C12orf42: variants seen among roughly 807,000 people sequenced by gnomAD.
C12orf42 encodes chromosome 12 open reading frame 42, also known as uncharacterized protein C12orf42.
Under a neutral mutation model 21.6 loss-of-function variants are expected in C12orf42, and 25 were observed. That is an observed-to-expected ratio of 1.16 (90% confidence interval 0.84 to 1.62). The LOEUF (loss-of-function observed/expected upper bound fraction) is 1.62, where lower values mean the gene tolerates loss of function less well. Among genes scored for constraint, C12orf42 ranks in the 40% most tolerant of loss-of-function variants. The probability of loss-of-function intolerance (pLI) is 0.00; values close to 1 mark genes in which losing one functional copy is unlikely to be tolerated. For synonymous variants in C12orf42, 174 were observed against 175.0 expected (o/e 0.99, Z 0.05); for missense variants, 483 against 459.3 (o/e 1.05, Z -0.47).
chr12:103,389,993 T>A (rs1236809552), intron 3 of C12orf42, among the ~76,000 whole-genome samples: 5 of 152,226 alleles, frequency 3.3e-5, no homozygotes, highest in Admixed American at 3.3e-4. Flanking sequence ...TAATTTCACT[T>A]CTATTCTTGT....
chr12:103,074,666 A>C, the C12orf42 span, among the ~76,000 whole-genome samples: 1 of 152,216 alleles, frequency 6.6e-6, no homozygotes, highest in Non-Finnish European at 1.5e-5. Context: ...CCTGGAATGA[A>C]AGTAGATAAT....
intron 1 of C12orf42, chr12:103,495,641 G>C (rs188324076): frequency 1.3e-5 from 2 of 150,484 alleles, no homozygotes; most frequent in Admixed American, 6.6e-5. Context: ...GTCTCGGTCC[G>C]GGCCGAGGCG....
At position 103,494,631 on chromosome 12, in the gene C12orf42, C is replaced by A. The variant is rs1448803183; in HGVS notation, c.-22+1271G>T. Among the ~76,000 whole-genome samples the A allele has an allele frequency of 3.3e-5, 5 of 152,242 alleles. No homozygotes were observed. The East Asian group carries it at 7.7e-4, about 24-fold the overall frequency. On this transcript the variant is annotated intron_variant, in intron 1 of 5. Transcript: ENST00000548883. Reference sequence around the variant, plus strand: ...ACCTGCAAATCAAAGAAAGACACCACGGCAGTGTCTTCAGACTTTTTTTTC... The same window carrying A: ...ACCTGCAAATCAAAGAAAGACACCAAGGCAGTGTCTTCAGACTTTTTTTTC...
intron 2 of C12orf42, among the ~76,000 whole-genome samples, chr12:103,420,487 G>A (rs2139105875): frequency 6.6e-6 from 1 of 152,018 alleles, no homozygotes; most frequent in South Asian, 2.1e-4. Context: ...TTGTCTCCTT[G>A]TGTCAGCACT....
At chr12:103,072,383 C>A in the C12orf42 span, among the ~76,000 whole-genome samples, 1 of 151,688 alleles carries the variant, frequency 6.6e-6, no homozygotes, top group African/African-American at 2.4e-5. Flanking sequence ...ACCATCTATT[C>A]TCATTAATCT....
chr12:103,167,350 T>C, the C12orf42 span, among the ~76,000 whole-genome samples: 1 of 152,328 alleles, frequency 6.6e-6, no homozygotes, highest in South Asian at 2.1e-4. Context: ...ACTATAGGGT[T>C]CCCGGAGATT....
At chr12:103,395,488 A>C (rs796478913) in intron 3 of C12orf42, among the ~76,000 whole-genome samples, 2 of 151,932 alleles carry the variant, frequency 1.3e-5, no homozygotes, top group Non-Finnish European at 2.9e-5. Flanking sequence ...GGCGCCCACC[A>C]CCACGCCCGG....
At chr12:103,294,586 A>AGGAAGGAAGGAAAGAG (rs1217439982) in intron 4 of C12orf42, among the ~76,000 whole-genome samples, 1 of 90,606 alleles carries the variant, frequency 1.1e-5, no homozygotes, top group Non-Finnish European at 2.4e-5. Flanking sequence ...GAAGGAAGGA[A>AGGAAGGAAGGAAAGAG]AGAAAGAAAG....
At chr12:103,180,698 G>A in the C12orf42 span, among the ~76,000 whole-genome samples, 3 of 134,498 alleles carry the variant, frequency 2.2e-5, no homozygotes, top group Admixed American at 8.4e-5. Flanking sequence ...GCGTGATCTC[G>A]GCTCACCACA....
chr12:103,518,765 C>T, the C12orf42 span, among the ~76,000 whole-genome samples: 1 of 152,196 alleles, frequency 6.6e-6, no homozygotes, highest in African/African-American at 2.4e-5. Context: ...CAAACCTTCC[C>T]TTCCAGGCAT....
chr12:103,407,582 C>A (rs75826729), intron 2 of C12orf42, among the ~76,000 whole-genome samples: 10 of 152,196 alleles, frequency 6.6e-5, no homozygotes, highest in African/African-American at 2.4e-4. Flanking sequence ...ATATAATACA[C>A]GTAACATACA....
chr12:103,467,093 C>G (rs1368330736), intron 2 of C12orf42, among the ~76,000 whole-genome samples: 3 of 152,054 alleles, frequency 2.0e-5, no homozygotes, highest in Non-Finnish European at 4.4e-5. Context: ...AACACCTGAG[C>G]AAAATAAATA....
the C12orf42 span, among the ~76,000 whole-genome samples, chr12:103,075,916 G>A: frequency 1.3e-5 from 2 of 152,304 alleles, no homozygotes; most frequent in African/African-American, 4.8e-5. Context: ...TAGGTTGGGT[G>A]AGGGAGCTTA....
the C12orf42 span, among the ~76,000 whole-genome samples, chr12:103,226,854 G>C: frequency 7.2e-4 from 110 of 152,258 alleles, no homozygotes; most frequent in African/African-American, 2.5e-3. Context: ...GGTTTGGGAC[G>C]AGTTGCACTG....
the C12orf42 span, among the ~76,000 whole-genome samples, chr12:103,189,064 T>G: frequency 6.6e-6 from 1 of 152,172 alleles, no homozygotes; most frequent in African/African-American, 2.4e-5. Flanking sequence ...TAGTTGAGTT[T>G]TATGTGACTT....
At chr12:103,537,331 G>GA in the C12orf42 span, among the ~76,000 whole-genome samples, 31,788 of 147,108 alleles carry the variant, frequency 0.22, 3,614 homozygotes, top group East Asian at 0.41. Flanking sequence ...TAAGGTTTAT[G>GA]AAAAAAAAAA....
chr12:103,477,186 G>T (rs936902720), intron 2 of C12orf42, among the ~76,000 whole-genome samples: 4 of 152,166 alleles, frequency 2.6e-5, no homozygotes, highest in Non-Finnish European at 5.9e-5. Context: ...AGTGGGAAGT[G>T]TTATGAAGAA....
the C12orf42 span, among the ~76,000 whole-genome samples, chr12:103,214,100 A>G: frequency 6.6e-6 from 1 of 152,188 alleles, no homozygotes; most frequent in African/African-American, 2.4e-5. Context: ...TACCCCATTT[A>G]ATATTCAGGT....
chr12:103,393,699 C>T (rs975796283), intron 3 of C12orf42, among the ~76,000 whole-genome samples: 1 of 152,064 alleles, frequency 6.6e-6, no homozygotes, highest in South Asian at 2.1e-4. Context: ...CTGCTATATG[C>T]CTTAATTAAT....
Sources: allele counts gnomAD v4.1 joint callset (sites outside exome capture counted in the v4.1 genomes callset), GRCh38; gene constraint gnomAD v4.1.1; transcripts MANE v1.5; gene names NCBI Gene and HGNC (gene_info 2026-07-23, HGNC 2026-07-21).